Variants in SLC30A8 observed in about 807,000 individuals in gnomAD.
The protein encoded by SLC30A8 is proton-coupled zinc antiporter SLC30A8.
A neutral mutation model predicts 36.9 loss-of-function variants in SLC30A8; 27 were observed. The observed-to-expected ratio is 0.73, with a 90% confidence interval of 0.54 to 1.01. SLC30A8 has a LOEUF of 1.01. Ranked by LOEUF, SLC30A8 falls within the 50% of genes least tolerant of loss-of-function variation. The pLI is 0.00. For missense variants in SLC30A8, 439 were observed against 452.0 expected (o/e 0.97, Z 0.26); for synonymous variants, 164 against 172.4 (o/e 0.95, Z 0.38).
At chr8:116,970,402 A>C (rs1009319891) in intron 1 of SLC30A8, among the ~76,000 whole-genome samples, 2 of 152,352 alleles carry the variant, frequency 1.3e-5, no homozygotes, top group African/African-American at 4.8e-5. Flanking sequence ...AGTACACTTA[A>C]GTGACAATAA....
chr8:117,155,187 CTAGT>C (rs1822413787), intron 3 of SLC30A8, among the ~76,000 whole-genome samples: 1 of 152,148 alleles, frequency 6.6e-6, no homozygotes, highest in Admixed American at 6.5e-5. Context: ...CCTGTTCTAA[CTAGT>C]TACTTTTGGA....
At chr8:117,057,858 C>T (rs567296611) in intron 2 of SLC30A8, among the ~76,000 whole-genome samples, 3 of 152,284 alleles carry the variant, frequency 2.0e-5, no homozygotes, top group East Asian at 3.9e-4. Flanking sequence ...CACGGGAGTG[C>T]CGATATCTCT....
chr8:117,072,790 C>T (rs1342465734), intron 2 of SLC30A8, among the ~76,000 whole-genome samples: 1 of 151,330 alleles, frequency 6.6e-6, no homozygotes, highest in Admixed American at 6.6e-5. Flanking sequence ...ATAGCAATTT[C>T]ACCCCCTACC....
At chr8:117,022,380 G>A (rs1409978907) in intron 1 of SLC30A8, among the ~76,000 whole-genome samples, 1 of 152,072 alleles carries the variant, frequency 6.6e-6, no homozygotes, top group Non-Finnish European at 1.5e-5. Context: ...ATGAATTAGG[G>A]ATAATACATG....
intron 2 of SLC30A8, among the ~76,000 whole-genome samples, chr8:117,067,477 T>G (rs1818204782): frequency 6.6e-6 from 1 of 152,160 alleles, no homozygotes; most frequent in Non-Finnish European, 1.5e-5. Flanking sequence ...GTTTTGTGAC[T>G]TCTATGGGCC....
chr8:117,021,817 CAACAG>C (rs1816703976), intron 1 of SLC30A8, among the ~76,000 whole-genome samples: 1 of 152,030 alleles, frequency 6.6e-6, no homozygotes, highest in African/African-American at 2.4e-5. Context: ...ACAAGTTAAT[CAACAG>C]AACAGAATAG....
intron 2 of SLC30A8, among the ~76,000 whole-genome samples, chr8:117,045,227 G>T (rs1039588204): frequency 3.9e-5 from 6 of 152,126 alleles, no homozygotes; most frequent in African/African-American, 1.4e-4. Context: ...GGTTTTTCTA[G>T]TGGAGGAACC....
upstream of SLC30A8, among the ~76,000 whole-genome samples, chr8:117,133,857 T>C (rs1360902903): frequency 6.6e-6 from 1 of 151,972 alleles, no homozygotes; most frequent in Admixed American, 6.6e-5. Flanking sequence ...ATGCCTTCAC[T>C]TGCAAGGAAA....
At chr8:117,169,632 G>A (rs1433608343) in intron 6 of SLC30A8, among the ~76,000 whole-genome samples, 1 of 152,080 alleles carries the variant, frequency 6.6e-6, no homozygotes, top group African/African-American at 2.4e-5. Context: ...ATTGGCTCAT[G>A]GTTCTGCAGG....
At chr8:117,111,964 G>C (rs1279012993) in intron 2 of SLC30A8, among the ~76,000 whole-genome samples, 1 of 152,006 alleles carries the variant, frequency 6.6e-6, no homozygotes, top group African/African-American at 2.4e-5. Context: ...GCCTCAGGTG[G>C]GAGCCAAGGT....
At chr8:117,032,260 A>G (rs973532770) in intron 1 of SLC30A8, among the ~76,000 whole-genome samples, 1 of 152,034 alleles carries the variant, frequency 6.6e-6, no homozygotes, top group Non-Finnish European at 1.5e-5. Flanking sequence ...AAAGTTTAGT[A>G]TGATTATTTG....
intron 6 of SLC30A8, among the ~76,000 whole-genome samples, chr8:117,166,817 G>T: frequency 8.1e-6 from 1 of 123,168 alleles, no homozygotes; most frequent in African/African-American, 3.3e-5. Flanking sequence ...AGGTAGATCT[G>T]GTCTCAGAGT....
chr8:116,983,690 T>C (rs1815349529), intron 1 of SLC30A8, among the ~76,000 whole-genome samples: 1 of 152,176 alleles, frequency 6.6e-6, no homozygotes, highest in Non-Finnish European at 1.5e-5. Flanking sequence ...TTTTTGGTCT[T>C]CCTTTTTTCC....
chr8:117,089,192 C>T (rs999069383), intron 2 of SLC30A8, among the ~76,000 whole-genome samples: 39 of 152,056 alleles, frequency 2.6e-4, no homozygotes, highest in African/African-American at 9.4e-4. Flanking sequence ...TACAATCTAC[C>T]TAGGTGGGCT....
chr8:117,109,770 T>C (rs1820144842), intron 2 of SLC30A8, among the ~76,000 whole-genome samples: 1 of 152,164 alleles, frequency 6.6e-6, no homozygotes, highest in Non-Finnish European at 1.5e-5. Flanking sequence ...CAACTTTGTC[T>C]CCTAAGGTAA....
chr8:117,077,288 T>C (rs1818520845), intron 2 of SLC30A8, among the ~76,000 whole-genome samples: 1 of 152,210 alleles, frequency 6.6e-6, no homozygotes, highest in Admixed American at 6.6e-5. Flanking sequence ...AAGCCTTAGA[T>C]GGAAATTTCA....
chr8:116,974,716 T>C (rs1429773781), intron 1 of SLC30A8, among the ~76,000 whole-genome samples: 1 of 152,146 alleles, frequency 6.6e-6, no homozygotes, highest in African/African-American at 2.4e-5. Flanking sequence ...TAAATCATGC[T>C]GCTGTAAAGA....
chr8:117,005,021 A>G (rs1011010328), intron 1 of SLC30A8, among the ~76,000 whole-genome samples: 1 of 152,108 alleles, frequency 6.6e-6, no homozygotes, highest in Admixed American at 6.6e-5. Context: ...ATATCACCCA[A>G]TTGACTTATT....
intron 2 of SLC30A8, among the ~76,000 whole-genome samples, chr8:117,046,511 G>C (rs759104528): frequency 1.2e-4 from 19 of 152,264 alleles, no homozygotes; most frequent in African/African-American, 3.4e-4. Context: ...TTAAAGAATA[G>C]GTGCCTGAAT....
Sources: allele counts gnomAD v4.1 joint callset (sites outside exome capture counted in the v4.1 genomes callset), GRCh38; gene constraint gnomAD v4.1.1; transcripts MANE v1.5; gene names NCBI Gene and HGNC (gene_info 2026-07-23, HGNC 2026-07-21).